Variants in RGS7 observed in about 807,000 individuals in gnomAD.
RGS7 encodes regulator of G-protein signaling 7.
In RGS7, 27 loss-of-function variants were observed where a neutral mutation model predicts 81.1. That is an observed-to-expected ratio of 0.33 (90% CI 0.25 to 0.46). RGS7 has a LOEUF of 0.46. Among genes scored for constraint, RGS7 ranks in the 20% least tolerant of loss-of-function variants. RGS7 has a pLI of 1.00. For synonymous variants in RGS7, 208 were observed against 207.7 expected (o/e 1.00, Z -0.01); for missense variants, 396 against 607.4 (o/e 0.65, Z 3.66).
At chr1:240,850,180 G>T (rs1659847884) in intron 9 of RGS7, among the ~76,000 whole-genome samples, 1 of 152,184 alleles carries the variant, frequency 6.6e-6, no homozygotes, top group African/African-American at 2.4e-5. Flanking sequence ...AATATTGTGG[G>T]TTTTTGTTTT....
chr1:241,276,556 C>G (rs567326728), intron 2 of RGS7, among the ~76,000 whole-genome samples: 5 of 152,286 alleles, frequency 3.3e-5, no homozygotes, highest in African/African-American at 9.6e-5. Flanking sequence ...CAATCTGCTA[C>G]GATTTGCATA....
intron 14 of RGS7, among the ~76,000 whole-genome samples, chr1:240,807,904 G>A (rs898144424): frequency 4.0e-5 from 6 of 151,778 alleles, no homozygotes; most frequent in East Asian, 1.9e-4. Context: ...GTGTGGTGGC[G>A]AATGCCCATA....
At chr1:241,014,801 A>C (rs973946640) in intron 3 of RGS7, among the ~76,000 whole-genome samples, 1 of 152,242 alleles carries the variant, frequency 6.6e-6, no homozygotes, top group Non-Finnish European at 1.5e-5. Flanking sequence ...GAGGACGAAT[A>C]CATCATTCCT....
At chr1:241,071,376 T>TA (rs879703168) in intron 3 of RGS7, among the ~76,000 whole-genome samples, 10 of 152,094 alleles carry the variant, frequency 6.6e-5, no homozygotes, top group South Asian at 2.1e-4. Context: ...CCTAAAAAAA[T>TA]AAAAAAATGT....
At chr1:241,146,768 G>A (rs945475721) in intron 2 of RGS7, among the ~76,000 whole-genome samples, 2 of 152,200 alleles carry the variant, frequency 1.3e-5, no homozygotes, top group African/African-American at 4.8e-5. Context: ...CAACAGGAAT[G>A]TATTGCTCAC....
intron 3 of RGS7, among the ~76,000 whole-genome samples, chr1:240,990,238 G>A (rs944216794): frequency 3.9e-5 from 6 of 152,062 alleles, no homozygotes; most frequent in African/African-American, 1.5e-4. Context: ...ACATAACAAT[G>A]GGTGTAAACT....
intron 16 of RGS7, among the ~76,000 whole-genome samples, chr1:240,802,150 G>A (rs1688124434): frequency 6.6e-6 from 1 of 152,162 alleles, no homozygotes; most frequent in African/African-American, 2.4e-5. Context: ...TAGCCTACAT[G>A]ACGATCATGA....
intron 2 of RGS7, among the ~76,000 whole-genome samples, chr1:241,142,464 A>G (rs568918564): frequency 2.6e-5 from 4 of 152,346 alleles, no homozygotes; most frequent in African/African-American, 4.8e-5. Context: ...CCAAACCTCA[A>G]TTCTTGACTT....
chr1:240,935,148 C>A (rs1572852434), intron 5 of RGS7, among the ~76,000 whole-genome samples: 1 of 152,050 alleles, frequency 6.6e-6, no homozygotes, highest in African/African-American at 2.4e-5. Flanking sequence ...ATAGCCCGCC[C>A]TGGCCTCCCA....
At chr1:240,832,270 G>A (rs1445308299) in intron 9 of RGS7, among the ~76,000 whole-genome samples, 1 of 152,112 alleles carries the variant, frequency 6.6e-6, no homozygotes, top group African/African-American at 2.4e-5. Flanking sequence ...TAAGCACATA[G>A]TATTGTTGGA....
At chr1:241,128,960 T>C (rs889443972) in intron 2 of RGS7, among the ~76,000 whole-genome samples, 2 of 152,158 alleles carry the variant, frequency 1.3e-5, no homozygotes, top group East Asian at 3.8e-4. Context: ...AAATTGATTA[T>C]TATATTGATA....
At chr1:240,930,916 G>A (rs1675335962) in intron 5 of RGS7, 148 bp from the exon 6 acceptor site, 3 of 835,560 alleles carry the variant, frequency 3.6e-6, no homozygotes, top group Non-Finnish European at 5.9e-6. Context: ...GAGAGACATT[G>A]AAAACTCTTT....
At chr1:241,185,314 C>T (rs2071995023) in intron 2 of RGS7, among the ~76,000 whole-genome samples, 1 of 151,988 alleles carries the variant, frequency 6.6e-6, no homozygotes, top group Non-Finnish European at 1.5e-5. Flanking sequence ...TCTATGACCA[C>T]CTAACAACAG....
chr1:240,859,589 G>C (rs1359241052), intron 9 of RGS7, among the ~76,000 whole-genome samples: 1 of 150,852 alleles, frequency 6.6e-6, no homozygotes, highest in Non-Finnish European at 1.5e-5. Context: ...TTAGTAATTT[G>C]TGTCTTCTCC....
intron 2 of RGS7, among the ~76,000 whole-genome samples, chr1:241,260,150 C>T (rs1169594539): frequency 6.6e-6 from 1 of 152,202 alleles, no homozygotes; most frequent in African/African-American, 2.4e-5. Flanking sequence ...ACCACTGTCT[C>T]TATTGATCTC....
chr1:241,021,456 G>A (rs1228122148), intron 3 of RGS7, among the ~76,000 whole-genome samples: 2 of 152,156 alleles, frequency 1.3e-5, no homozygotes, highest in Non-Finnish European at 2.9e-5. Flanking sequence ...GCATTTACAT[G>A]ACATTTAGAC....
intron 6 of RGS7, among the ~76,000 whole-genome samples, chr1:240,922,802 G>C (rs1673799392): frequency 6.6e-6 from 1 of 152,044 alleles, no homozygotes; most frequent in Non-Finnish European, 1.5e-5. Flanking sequence ...TGGAAGACTG[G>C]AAGTTTCTTA....
chr1:240,968,669 A>G (rs1682726500), intron 4 of RGS7, among the ~76,000 whole-genome samples: 2 of 152,188 alleles, frequency 1.3e-5, no homozygotes, highest in South Asian at 2.1e-4. Context: ...CATTATTTTT[A>G]AAAGGGTGAC....
At position 240,806,292 on chromosome 1, in the gene RGS7, G is replaced by A; in HGVS notation, c.1117C>T (p.Pro373Ser). 1 of 1,613,894 alleles carries A rather than the reference G, an allele frequency of 6.2e-7. No individual in the cohort carries two copies. Among genetic ancestry groups the A allele is most frequent in the Non-Finnish European group, 8.5e-7 (1 of 1,179,916 alleles). Reference protein sequence around the residue: ...WLAVEDLKKRPIKEVPSRVQE... With the variant: ...WLAVEDLKKRSIKEVPSRVQE... ...ACTCTTGAGGGTACTTCTTTAATAG[G>A]CCTCTTTTTCAGGTCCTCCACTGCC... Residue 373 changes from proline to serine, a missense_variant, in exon 15 of 19, where the codon CCT (proline) becomes TCT (serine). Physicochemically the swap from Pro to Ser is moderately conservative, Grantham distance 74 (BLOSUM62 -1). Coordinates refer to ENST00000440928, the MANE Select transcript of RGS7 (RefSeq NM_001364886.1).
Sources: allele counts gnomAD v4.1 joint callset (sites outside exome capture counted in the v4.1 genomes callset), GRCh38; gene constraint gnomAD v4.1.1; transcripts MANE v1.5; gene names NCBI Gene and HGNC (gene_info 2026-07-23, HGNC 2026-07-21).